Variants in PCSK6 observed in about 807,000 individuals in gnomAD.
PCSK6 encodes proprotein convertase subtilisin/kexin type 6.
A neutral mutation model predicts 123.3 loss-of-function variants in PCSK6; 85 were observed. The ratio of observed to expected loss-of-function variants is 0.69; its 90% CI spans 0.58 to 0.83. PCSK6 has a LOEUF of 0.83. Ranked by LOEUF, PCSK6 falls within the 40% of genes least tolerant of loss-of-function variation. The pLI is 0.00. For missense variants in PCSK6, 1,191 were observed against 1,282.3 expected, an observed-to-expected ratio of 0.93 and a Z score of 1.09; for synonymous variants, 508 against 516.0, an observed-to-expected ratio of 0.98 and a Z score of 0.21.
At chr15:101,347,896 G>A in intron 13 of PCSK6, 1 of 749,382 alleles carries the variant, frequency 1.3e-6, no homozygotes, top group South Asian at 1.5e-5. Flanking sequence ...CAAATGGAAG[G>A]AGCTGTGTTT....
chr15:101,333,837 G>A (rs2040418725), intron 13 of PCSK6, among the ~76,000 whole-genome samples: 1 of 152,152 alleles, frequency 6.6e-6, no homozygotes, highest in African/African-American at 2.4e-5. Context: ...TGGCCCCACT[G>A]GTGCGATTCG....
chr15:101,422,887 C>G (rs1000237691), intron 6 of PCSK6, among the ~76,000 whole-genome samples: 1 of 152,214 alleles, frequency 6.6e-6, no homozygotes, highest in Non-Finnish European at 1.5e-5. Flanking sequence ...TCCCACAGTG[C>G]TGGGATTACA....
intron 7 of PCSK6, among the ~76,000 whole-genome samples, chr15:101,393,680 C>G (rs1454513546): frequency 6.6e-6 from 1 of 152,204 alleles, no homozygotes; most frequent in African/African-American, 2.4e-5. Context: ...AGAAAGACTC[C>G]TCTGTTCTTC....
intron 6 of PCSK6, among the ~76,000 whole-genome samples, chr15:101,425,265 TCCAGTGATAG>T (rs1340201785): frequency 6.6e-6 from 1 of 152,120 alleles, no homozygotes; most frequent in East Asian, 1.9e-4. Context: ...GACCCAAGGA[TCCAGTGATAG>T]CCACTGGCTC....
chr15:101,432,048 C>T lies in PCSK6; in HGVS notation c.455G>A (p.Arg152Gln), dbSNP rs778026701. Residue 152 changes from arginine to glutamine, a missense_variant, in exon 3 of 22, where the codon CGA (arginine) becomes CAA (glutamine). Arg to Gln is a conservative substitution (Grantham distance 43). Transcript: ENST00000611716. ...GAAGTAAAGGGCCTGCGGGTCACTT[C>T]GCACCTGTCTCTTCACCCTTCGTTT... is the stretch of plus-strand genomic sequence containing the variant. ...EVKRRVKRQV[R>Q]SDPQALYFND... 2.4e-5 allele frequency: 38 copies of T among 1,613,638 alleles called. No homozygotes were observed. Among genetic ancestry groups the T allele is most frequent in the Middle Eastern group, 1.6e-4 (1 of 6,082 alleles).
At chr15:101,479,264 C>T (rs1028281062) in intron 1 of PCSK6, among the ~76,000 whole-genome samples, 4 of 152,198 alleles carry the variant, frequency 2.6e-5, no homozygotes, top group African/African-American at 9.7e-5. Flanking sequence ...CAGGTTAAAA[C>T]GACAGCAACA....
At chr15:101,331,337 T>C (rs1039458493) in intron 15 of PCSK6, among the ~76,000 whole-genome samples, 8 of 152,222 alleles carry the variant, frequency 5.3e-5, no homozygotes, top group African/African-American at 1.9e-4. Flanking sequence ...CCTCTCTGGG[T>C]CTTTAACCCT....
intron 1 of PCSK6, among the ~76,000 whole-genome samples, chr15:101,444,291 A>G (rs2141155366): frequency 6.6e-6 from 1 of 152,318 alleles, no homozygotes; most frequent in Admixed American, 6.5e-5. Context: ...CCTGTGCCCC[A>G]GCCCCTGGCC....
At chr15:101,375,321 A>G (rs1364284371) in intron 11 of PCSK6, among the ~76,000 whole-genome samples, 1 of 152,076 alleles carries the variant, frequency 6.6e-6, no homozygotes, top group Non-Finnish European at 1.5e-5. Context: ...CCTCAAAAAA[A>G]AAGCTAATCC....
At chr15:101,444,634 A>G (rs1291478492) in intron 1 of PCSK6, among the ~76,000 whole-genome samples, 1 of 152,136 alleles carries the variant, frequency 6.6e-6, no homozygotes, top group Non-Finnish European at 1.5e-5. Context: ...CTACCCCTCC[A>G]CCAAGATTAG....
chr15:101,409,563 C>G (rs111875071), intron 6 of PCSK6, among the ~76,000 whole-genome samples: 3 of 139,328 alleles, frequency 2.2e-5, no homozygotes, highest in Non-Finnish European at 4.5e-5. Context: ...CCAGCCTGGG[C>G]GACAGAGTAA....
At chr15:101,484,098 A>G (rs896029358) in intron 1 of PCSK6, among the ~76,000 whole-genome samples, 9 of 152,330 alleles carry the variant, frequency 5.9e-5, no homozygotes, top group East Asian at 3.9e-4. Flanking sequence ...ACACATCACC[A>G]CATGTAATAT....
At chr15:101,424,075 GT>G (rs918154502) in intron 6 of PCSK6, among the ~76,000 whole-genome samples, 6 of 151,536 alleles carry the variant, frequency 4.0e-5, no homozygotes, top group African/African-American at 1.5e-4. Context: ...AAAGGTGTGT[GT>G]TTTTTTTAAT....
At chr15:101,369,662 C>T (rs938481706) in intron 12 of PCSK6, among the ~76,000 whole-genome samples, 7 of 152,276 alleles carry the variant, frequency 4.6e-5, no homozygotes, top group African/African-American at 1.7e-4. Context: ...TAAACACCTT[C>T]ATTCTAATTA....
chr15:101,436,209 GTCC>G (rs1435265925), intron 2 of PCSK6, among the ~76,000 whole-genome samples: 1 of 152,186 alleles, frequency 6.6e-6, no homozygotes, highest in Non-Finnish European at 1.5e-5. Context: ...GAGCTGGAGA[GTCC>G]TAAAAGGAGA....
chr15:101,386,249 G>A (rs536036767), intron 9 of PCSK6, among the ~76,000 whole-genome samples: 4 of 152,200 alleles, frequency 2.6e-5, no homozygotes, highest in East Asian at 1.9e-4. Context: ...GCCTGGAGAC[G>A]CAGAAGAGAG....
intron 6 of PCSK6, among the ~76,000 whole-genome samples, chr15:101,399,965 A>G (rs1404682216): frequency 6.6e-6 from 1 of 152,160 alleles, no homozygotes; most frequent in East Asian, 1.9e-4. Context: ...AGAATAGTAT[A>G]TGCTCTTGCC....
intron 18 of PCSK6, among the ~76,000 whole-genome samples, chr15:101,319,488 T>C (rs897095491): frequency 8.5e-5 from 13 of 152,330 alleles, no homozygotes; most frequent in African/African-American, 3.1e-4. Context: ...CTAAATGTCT[T>C]TAATAACTGA....
chr15:101,442,718 G>A (rs2056788615), intron 2 of PCSK6, among the ~76,000 whole-genome samples: 1 of 152,218 alleles, frequency 6.6e-6, no homozygotes, highest in African/African-American at 2.4e-5. Context: ...AAGAGAAGAT[G>A]ATTTCTGTGA....
Sources: gnomAD v4.1 joint callset for allele counts (sites outside exome capture counted in the v4.1 genomes callset) on GRCh38, gnomAD v4.1.1 for gene constraint, MANE v1.5 for transcripts, NCBI Gene and HGNC (gene_info 2026-07-23, HGNC 2026-07-21) for gene names.